ULK2: variants seen among roughly 807,000 people sequenced by gnomAD.
ULK2 encodes the protein serine/threonine-protein kinase ULK2.
A neutral mutation model predicts 127.5 loss-of-function variants in ULK2; 76 were observed. The ratio of observed to expected loss-of-function variants is 0.60; its 90% CI spans 0.50 to 0.72. The LOEUF (loss-of-function observed/expected upper bound fraction) is 0.72, where lower values mean the gene tolerates loss of function less well. ULK2 is among the 30% of genes least tolerant of loss of function. The pLI is 0.00. For synonymous variants in ULK2, 452 were observed against 461.9 expected (o/e 0.98, Z 0.28); for missense variants, 1,144 against 1,295.9 (o/e 0.88, Z 1.80).
At chr17:19,827,772 T>A (rs1189639487) in intron 10 of ULK2, among the ~76,000 whole-genome samples, 3 of 152,064 alleles carry the variant, frequency 2.0e-5, no homozygotes, top group Non-Finnish European at 4.4e-5. Flanking sequence ...TTAACAGGCA[T>A]GGTGGCACAT....
At chr17:19,864,764 A>C in intron 3 of ULK2, 39 bp downstream of exon 3, 1 of 980,570 alleles carries the variant, frequency 1.0e-6, no homozygotes, top group Non-Finnish European at 1.4e-6. Flanking sequence ...AATTAAAAAA[A>C]ATTTATTTTA....
rs530196314 is a variant in ULK2, at chr17:19,821,261, C to T, written c.924+3833G>A. Among the ~76,000 whole-genome samples the T allele has an allele frequency of 1.4e-3, 211 of 152,208 alleles. 1 individual carries two copies. Among genetic ancestry groups the T allele is most frequent in the African/African-American group, 4.7e-3 (195 of 41,542 alleles). ...GGCAGAGGTTGCAGTGAGCCGAGAT[C>T]GCGCCACTGCACTCCAGCCTGGGTG... On this transcript the variant is annotated intron_variant, in intron 12 of 26. Transcript: ENST00000395544.
chr17:19,810,452 A>G lies in ULK2; in HGVS notation c.1097-14T>C, dbSNP rs768057954. On this transcript the variant is annotated splice_polypyrimidine_tract_variant and intron_variant, in intron 13 of 26. Coordinates refer to ENST00000395544, the MANE Select transcript of ULK2 (RefSeq NM_014683.4). The stretch of plus-strand genomic sequence containing the variant: ...CTGGCATATCACCTAAAGGAGAGAA[A>G]AGAACAATCAGTTCCTGTTATACCA... 1 of 1,559,992 alleles carries G rather than the reference A, an allele frequency of 6.4e-7. No homozygotes were observed. Among genetic ancestry groups the G allele is most frequent in the Non-Finnish European group, 8.7e-7 (1 of 1,144,984 alleles).
intron 10 of ULK2, among the ~76,000 whole-genome samples, chr17:19,835,353 TA>T (rs1396206514): frequency 6.6e-6 from 1 of 150,964 alleles, no homozygotes; most frequent in Non-Finnish European, 1.5e-5. Context: ...GTGCTGGGCT[TA>T]ACAGGCATGA....
Position 19,780,990 on chromosome 17 carries a change from T to C in ULK2, c.2754A>G (p.Lys918=). The C allele has an allele frequency of 6.2e-7, 1 of 1,614,006 alleles. No individual in the cohort carries two copies. Among genetic ancestry groups the C allele is most frequent in the Non-Finnish European group, 8.5e-7 (1 of 1,179,978 alleles). Residue 918 remains lysine, a synonymous_variant, in exon 24 of 27, where the codon AAA becomes AAG. Coordinates refer to ENST00000395544, the MANE Select transcript of ULK2 (RefSeq NM_014683.4). The part of the protein sequence containing the change: ...SGKLSPSTAV[K]QVVKNLNERY... Reference sequence around the variant, plus strand: ...ACACGCTGCCTTCTCCCATACCTTGTTTCACAGCTGTGGATGGGCTCAGTT... The same window carrying C: ...ACACGCTGCCTTCTCCCATACCTTGCTTCACAGCTGTGGATGGGCTCAGTT...
rs372107055 is a variant in ULK2 at position 19,777,581 on chromosome 17, A to C, written c.3052T>G (p.Tyr1018Asp). ...TACACTACTTTGTAAGTCAACTTAC[A>C]TTTATGCACATTTTCAATATCTGCA... Reference protein sequence around the residue: ...DPADIENVHKYKCSIERRLSA... With the variant: ...DPADIENVHKDKCSIERRLSA... The change falls in exon 26 of 27, where the codon TAT (tyrosine) becomes GAT (aspartate). Residue 1018 changes from tyrosine (Y) to aspartate (D), a missense_variant and splice_region_variant. This residue lies in a region of ULK2 where 913 missense variants were observed against 970.5 expected (regional missense o/e 0.94). Coordinates refer to ENST00000395544, the MANE Select transcript of ULK2 (RefSeq NM_014683.4). The C allele has an allele frequency of 7.5e-6, 12 of 1,596,096 alleles. No homozygotes were observed. The highest frequency in any genetic ancestry group is 1.0e-5 in the Non-Finnish European group (12 of 1,174,974).
chr17:19,803,697 C>A (rs1346082189), intron 15 of ULK2, among the ~76,000 whole-genome samples: 1 of 152,130 alleles, frequency 6.6e-6, no homozygotes, highest in Non-Finnish European at 1.5e-5. Context: ...GTGTAATATT[C>A]CATTATCAGA....
At chr17:19,848,158 T>C (rs921925120) in intron 5 of ULK2, 1 of 152,112 alleles carries the variant, frequency 6.6e-6, no homozygotes, top group Admixed American at 6.6e-5. Context: ...AAAAAAATTA[T>C]GAAAACTTTA....
chr17:19,816,560 T>C (rs560093022), intron 13 of ULK2, 189 bp downstream of exon 13: 17 of 423,742 alleles, frequency 4.0e-5, no homozygotes, highest in Admixed American at 1.8e-4. Flanking sequence ...TCCAAAATTA[T>C]TGTTTAATAG....
rs2042313173 is a variant in ULK2, at chr17:19,864,507, T to A, written c.225+296A>T. ...AAAAGCTCTATTTTTAATTGTCCTTTCAACATTCATCAGAGAATGCTAGAT... is the reference window on the plus strand; with the variant it reads ...AAAAGCTCTATTTTTAATTGTCCTTACAACATTCATCAGAGAATGCTAGAT... On this transcript the variant is annotated intron_variant, in intron 3 of 26. Transcript: ENST00000395544. Among the ~76,000 whole-genome samples the A allele has an allele frequency of 2.0e-5, 3 of 152,140 alleles. No homozygotes were observed. In the South Asian group the frequency reaches 6.2e-4, roughly 32 times the overall value.
intron 20 of ULK2, among the ~76,000 whole-genome samples, chr17:19,794,320 G>A (rs200130608): frequency 1.8e-4 from 28 of 152,188 alleles, no homozygotes; most frequent in Admixed American, 5.2e-4. Flanking sequence ...TATACTTAAC[G>A]GGAATACCAG....
Position 19,833,172 on chromosome 17 carries a change from G to A in ULK2, c.787+5329C>T, listed in dbSNP as rs118131298. Among the ~76,000 whole-genome samples the A allele has an allele frequency of 2.3e-3, 355 of 151,368 alleles. 15 individuals carry two copies. In the East Asian group the frequency reaches 0.057, roughly 24 times the overall value. On this transcript the variant is annotated intron_variant, in intron 10 of 26. Transcript: ENST00000395544. The stretch of plus-strand genomic sequence containing the variant: ...AAAACAGAACAACCCCCAATTGGGA[G>A]AGGGGGAGGGTTCAAATCTAAAGTT...
Position 19,783,878 on chromosome 17 carries a change from A to C in ULK2, c.2279T>G (p.Leu760Arg). 1 of 1,551,012 alleles carries C rather than the reference A, an allele frequency of 6.4e-7. No homozygotes were observed. The highest frequency in any genetic ancestry group is 1.2e-5 in the South Asian group (1 of 80,194). ...GCACACGCGGCCACTCATGGCACAA[A>C]GAGAGCCCCCGGAGTTGCTGGGCCC... Reference protein sequence around the residue: ...SVGPSNSGGSLCAMSGRVCVG... With the variant: ...SVGPSNSGGSRCAMSGRVCVG... Residue 760 changes from leucine (L) to arginine (R), a missense_variant, in exon 22 of 27, where the codon CTT becomes CGT. Leu to Arg is a moderately radical substitution (Grantham distance 102). Coordinates refer to ENST00000395544, the MANE Select transcript of ULK2 (RefSeq NM_014683.4).
chr17:19,861,544 CAAA>C (rs767096614), intron 3 of ULK2, among the ~76,000 whole-genome samples: 1 of 121,058 alleles, frequency 8.3e-6, no homozygotes. Flanking sequence ...GACTCCGTCT[CAAA>C]AAAAAAAAAA....
intron 14 of ULK2, among the ~76,000 whole-genome samples, chr17:19,805,218 T>G (rs1035935596): frequency 1.3e-5 from 2 of 152,198 alleles, no homozygotes; most frequent in Non-Finnish European, 2.9e-5. Context: ...CAAAGATGAC[T>G]GGAATGTTTG....
At chr17:19,862,831 T>A (rs2042271420) in intron 3 of ULK2, among the ~76,000 whole-genome samples, 1 of 152,112 alleles carries the variant, frequency 6.6e-6, no homozygotes, top group South Asian at 2.1e-4. Context: ...CCACTAAAAC[T>A]AAACATATTG....
At position 19,867,450 on chromosome 17, in the gene ULK2, G is replaced by A. The variant is rs557926196; in HGVS notation, c.-33C>T. ...CCCCCGGGGCACACAGCGGACGGGC[G>A]GGCGGCGCAGTGCGGCGCAGGTATC... On this transcript the variant is annotated 5_prime_UTR_variant, in exon 1 of 27. Coordinates refer to ENST00000395544, the MANE Select transcript of ULK2 (RefSeq NM_014683.4). 4.5e-6 allele frequency: 7 copies of A among 1,569,852 alleles called. No individual in the cohort carries two copies. Among genetic ancestry groups the A allele is most frequent in the African/African-American group, 1.4e-5 (1 of 70,732 alleles).
chr17:19,842,881 C>T (rs1203769327), intron 8 of ULK2, among the ~76,000 whole-genome samples: 4 of 152,082 alleles, frequency 2.6e-5, no homozygotes, highest in Admixed American at 1.3e-4. Context: ...GGCTGTTAGC[C>T]CCGAACCCAA....
At chr17:19,833,491 G>A (rs936651042) in intron 10 of ULK2, among the ~76,000 whole-genome samples, 1 of 151,750 alleles carries the variant, frequency 6.6e-6, no homozygotes. Context: ...GGTGGATCAC[G>A]TGAGCCCAGG....
Sources: gnomAD v4.1 joint callset for allele counts (sites outside exome capture counted in the v4.1 genomes callset) on GRCh38, gnomAD v4.1.1 for gene constraint, gnomAD v4.1.1 regional missense constraint, MANE v1.5 for transcripts, NCBI Gene and HGNC (gene_info 2026-07-23, HGNC 2026-07-21) for gene names.